The following FRMD3 variants were observed in gnomAD, a reference collection of about 807,000 sequenced individuals.
FRMD3 encodes the protein FERM domain containing 3.
Under a neutral mutation model 70.2 loss-of-function variants are expected in FRMD3, and 33 were observed. The observed-to-expected ratio is 0.47, with a 90% CI of 0.36 to 0.63. FRMD3 has a LOEUF of 0.63. Ranked by LOEUF, FRMD3 falls within the 20% of genes least tolerant of loss-of-function variation. The probability of loss-of-function intolerance (pLI) is 0.00; values close to 1 mark genes in which losing one functional copy is unlikely to be tolerated. For synonymous variants in FRMD3, 279 were observed against 255.9 expected, an observed-to-expected ratio of 1.09 and a Z score of -0.86; for missense variants, 632 against 711.4, an observed-to-expected ratio of 0.89 and a Z score of 1.27.
intron 13 of FRMD3, among the ~76,000 whole-genome samples, chr9:83,270,319 A>G (rs1833492142): frequency 6.6e-6 from 1 of 152,236 alleles, no homozygotes; most frequent in South Asian, 2.1e-4. Flanking sequence ...AAGAAGAAGA[A>G]TGGCATTCAG....
chr9:83,550,399 T>C, the FRMD3 span, among the ~76,000 whole-genome samples: 1 of 152,206 alleles, frequency 6.6e-6, no homozygotes, highest in Non-Finnish European at 1.5e-5. Context: ...ACCTTTGTTC[T>C]TTCTGCTTAG....
intron 1 of FRMD3, among the ~76,000 whole-genome samples, chr9:83,498,671 C>T (rs902482004): frequency 6.6e-6 from 1 of 152,114 alleles, no homozygotes; most frequent in Non-Finnish European, 1.5e-5. Flanking sequence ...TCATCATGAA[C>T]ATTTCTACTG....
intron 1 of FRMD3, among the ~76,000 whole-genome samples, chr9:83,494,941 TAAAAC>T (rs1828911076): frequency 6.6e-6 from 1 of 152,148 alleles, no homozygotes; most frequent in Non-Finnish European, 1.5e-5. Context: ...CCTACTTTAA[TAAAAC>T]AAAAGATCAT....
chr9:83,306,402 C>T (rs1407118466), intron 10 of FRMD3, among the ~76,000 whole-genome samples: 2 of 152,176 alleles, frequency 1.3e-5, no homozygotes, highest in Admixed American at 1.3e-4. Flanking sequence ...TCCCTTATCA[C>T]CTCTTTTTCT....
chr9:83,496,396 A>C (rs1828943350), intron 1 of FRMD3, among the ~76,000 whole-genome samples: 1 of 152,218 alleles, frequency 6.6e-6, no homozygotes, highest in Admixed American at 6.5e-5. Flanking sequence ...ATATGTGACA[A>C]AAATCCTACT....
intron 13 of FRMD3, among the ~76,000 whole-genome samples, chr9:83,257,231 T>C (rs2118637011): frequency 6.6e-6 from 1 of 152,302 alleles, no homozygotes; most frequent in East Asian, 1.9e-4. Context: ...GGGACATGGA[T>C]GGAGTTGGAA....
At chr9:83,507,511 A>G (rs951851383) in intron 1 of FRMD3, among the ~76,000 whole-genome samples, 1 of 150,008 alleles carries the variant, frequency 6.7e-6, no homozygotes, top group Non-Finnish European at 1.5e-5. Context: ...ACTAAAAAAT[A>G]AAGAAAAAAT....
At chr9:83,544,295 G>C in the FRMD3 span, among the ~76,000 whole-genome samples, 1 of 152,100 alleles carries the variant, frequency 6.6e-6, no homozygotes, top group South Asian at 2.1e-4. Context: ...GCAGCCCCCT[G>C]ACCCCCTGAG....
At chr9:83,545,421 G>A in the FRMD3 span, among the ~76,000 whole-genome samples, 5,431 of 143,392 alleles carry the variant, frequency 0.038, 337 homozygotes, top group African/African-American at 0.13. Flanking sequence ...GCAGTGGTGC[G>A]ATCTCAGCTC....
intron 1 of FRMD3, among the ~76,000 whole-genome samples, chr9:83,435,001 G>GT (rs1165802504): frequency 1.3e-5 from 2 of 151,604 alleles, no homozygotes; most frequent in Non-Finnish European, 2.9e-5. Context: ...ATTTTTGCGG[G>GT]TTTTTTCTGT....
chr9:83,357,153 TA>T (rs1388446473), intron 3 of FRMD3, among the ~76,000 whole-genome samples: 1 of 142,170 alleles, frequency 7.0e-6, no homozygotes, highest in Non-Finnish European at 1.5e-5. Flanking sequence ...TGTATATATA[TA>T]ACATACATGG....
At chr9:83,418,037 C>T (rs552392201) in intron 1 of FRMD3, among the ~76,000 whole-genome samples, 8 of 147,146 alleles carry the variant, frequency 5.4e-5, no homozygotes, top group East Asian at 2.0e-4. Flanking sequence ...AAGTGAACAC[C>T]GTGCTTTTGA....
At position 83,312,123 on chromosome 9, in the gene FRMD3, G is replaced by A. The variant is rs77177172; in HGVS notation, c.685-148C>T. 1,661 of 641,132 alleles carry A rather than the reference G, an allele frequency of 2.6e-3. 16 individuals carry two copies. Among genetic ancestry groups the A allele is most frequent in the African/African-American group, 0.025 (1,364 of 53,610 alleles). 39.7% of individuals were successfully genotyped at this position (641,132 alleles called of 1,614,324 possible). On this transcript the variant is annotated intron_variant, in intron 7 of 13. Transcript: ENST00000304195. Reference sequence around the variant, plus strand: ...AGCAATAAACTAAGTTTCTGAGATGGAACTTCTAAGAGCAGGCCTTTCAAA... The same window carrying A: ...AGCAATAAACTAAGTTTCTGAGATGAAACTTCTAAGAGCAGGCCTTTCAAA...
intron 1 of FRMD3, among the ~76,000 whole-genome samples, chr9:83,442,701 T>C (rs10119045): frequency 0.57 from 86,821 of 151,364 alleles, 26,054 homozygotes; most frequent in African/African-American, 0.77. Context: ...GACCACCTCT[T>C]GGGGTAATAG....
chr9:83,379,120 A>T (rs1825280244), intron 2 of FRMD3, among the ~76,000 whole-genome samples: 1 of 151,898 alleles, frequency 6.6e-6, no homozygotes, highest in South Asian at 2.1e-4. Flanking sequence ...TTGCAATACC[A>T]GCTGTTAGCC....
chr9:83,582,519 C>T, the FRMD3 span, among the ~76,000 whole-genome samples: 1 of 152,126 alleles, frequency 6.6e-6, no homozygotes, highest in Non-Finnish European at 1.5e-5. Context: ...AAGGTAGTAA[C>T]TCCCATTATA....
intron 1 of FRMD3, among the ~76,000 whole-genome samples, chr9:83,506,593 C>T (rs1160530033): frequency 6.6e-6 from 1 of 152,170 alleles, no homozygotes; most frequent in Non-Finnish European, 1.5e-5. Context: ...GCTTGCAGGA[C>T]TGGAAGTTGC....
chr9:83,528,896 T>C (rs1829738708), intron 1 of FRMD3, among the ~76,000 whole-genome samples: 1 of 152,200 alleles, frequency 6.6e-6, no homozygotes. Flanking sequence ...GTTTATATTA[T>C]ATATAGACAG....
intron 13 of FRMD3, among the ~76,000 whole-genome samples, chr9:83,285,386 T>C (rs1289398892): frequency 1.3e-5 from 2 of 152,240 alleles, no homozygotes; most frequent in East Asian, 3.8e-4. Context: ...CAGCTTCACA[T>C]GACCCTTTAA....
Sources: allele counts gnomAD v4.1 joint callset (sites outside exome capture counted in the v4.1 genomes callset), GRCh38; gene constraint gnomAD v4.1.1; transcripts MANE v1.5; gene names NCBI Gene and HGNC (gene_info 2026-07-23, HGNC 2026-07-21).